Variants in MYO18A observed in about 807,000 individuals in gnomAD.
MYO18A encodes myosin XVIIIA.
MYO18A carries 78 observed loss-of-function variants against 235.8 expected under a neutral mutation model. That is an observed-to-expected ratio of 0.33 (90% confidence interval 0.28 to 0.40). The LOEUF is 0.40. MYO18A is among the 10% of genes least tolerant of loss of function. MYO18A has a pLI of 1.00. For synonymous variants in MYO18A, 977 were observed against 1,077.8 expected, an observed-to-expected ratio of 0.91 and a Z score of 1.83; for missense variants, 2,215 against 2,699.3, an observed-to-expected ratio of 0.82 and a Z score of 3.98.
chr17:29,141,588 T>C (rs758909722), intron 2 of MYO18A, among the ~76,000 whole-genome samples: 2 of 152,160 alleles, frequency 1.3e-5, no homozygotes, highest in Non-Finnish European at 2.9e-5. Flanking sequence ...CATGAAAAGA[T>C]TGGTAAGCAC....
chr17:29,097,235 C>A lies in MYO18A; in HGVS notation c.4218G>T (p.Gln1406His). 1 of 1,610,286 alleles carries A rather than the reference C, an allele frequency of 6.2e-7. No individual in the cohort carries two copies. Among genetic ancestry groups the A allele is most frequent in the Non-Finnish European group, 8.5e-7 (1 of 1,179,858 alleles). Residue 1406 changes from glutamine (Q) to histidine (H), a missense_variant, in exon 27 of 42, where the codon CAG (glutamine) becomes CAT (histidine). Gln to His is a conservative substitution (Grantham distance 24). Coordinates refer to ENST00000527372, the MANE Select transcript of MYO18A (RefSeq NM_078471.4). The part of the protein sequence containing the change: ...KLEVEQQNKR[Q>H]LERRLGDLQA... ...TCCCCAGCCTCACCCGCCGTTCCAG[C>A]TGCCTCTTGTTCTGCTGCTCCACCT...
intron 2 of MYO18A, chr17:29,124,580 A>G: frequency 1.2e-5 from 13 of 1,125,432 alleles, no homozygotes; most frequent in Non-Finnish European, 1.5e-5. Flanking sequence ...ACGCCAGCCC[A>G]GGTGCAGGCC....
chr17:29,080,488 T>G, intron 41 of MYO18A: 4 of 986,106 alleles, frequency 4.1e-6, no homozygotes, highest in Non-Finnish European at 4.8e-6. Context: ...CAGGCGAGAA[T>G]CAGGGCTCTC....
chr17:29,175,588 T>G (rs2068506252), intron 1 of MYO18A, among the ~76,000 whole-genome samples: 1 of 151,926 alleles, frequency 6.6e-6, no homozygotes, highest in Non-Finnish European at 1.5e-5. Context: ...GGTCTCAAAT[T>G]CCTGGGCTCA....
intron 2 of MYO18A, chr17:29,165,609 T>C (rs6505111): frequency 0.42 from 115,760 of 273,432 alleles, 26,291 homozygotes; most frequent in African/African-American, 0.62. Context: ...CTGCTCAGAA[T>C]TCTACTGCAG....
intron 41 of MYO18A, chr17:29,080,750 C>G: frequency 1.0e-6 from 1 of 985,596 alleles, no homozygotes; most frequent in Non-Finnish European, 1.2e-6. Context: ...CCCCCGGTCC[C>G]CGAGCGGACG....
chr17:29,092,791 G>T, intron 33 of MYO18A, 64 bp downstream of exon 33: 3 of 1,583,818 alleles, frequency 1.9e-6, no homozygotes, highest in South Asian at 2.3e-5. Context: ...GAGCGAGAGA[G>T]AGAAAGAGAA....
intron 23 of MYO18A, 74 bp from the exon 24 acceptor site, chr17:29,098,519 T>A: frequency 6.5e-7 from 1 of 1,537,736 alleles, no homozygotes; most frequent in Non-Finnish European, 8.9e-7. Context: ...TGCACCCCTG[T>A]AGTGAACGAA....
chr17:29,154,101 A>AGTGTGTGTGT (rs61393170), intron 2 of MYO18A, among the ~76,000 whole-genome samples: 2 of 150,288 alleles, frequency 1.3e-5, no homozygotes, highest in African/African-American at 4.9e-5. Flanking sequence ...AATTCTGCAG[A>AGTGTGTGTGT]GTGTGTGTGT....
At chr17:29,151,644 C>G (rs2067965805) in intron 2 of MYO18A, among the ~76,000 whole-genome samples, 3 of 152,180 alleles carry the variant, frequency 2.0e-5, no homozygotes, top group African/African-American at 7.2e-5. Flanking sequence ...GGAGAAAGCC[C>G]CTCAGTGCCT....
rs755495015 is a variant in MYO18A at position 29,087,066 on chromosome 17, T to G, written c.5582A>C (p.Gln1861Pro). 1 of 1,614,024 alleles carries G rather than the reference T, an allele frequency of 6.2e-7. No homozygotes were observed. The highest frequency in any genetic ancestry group is 8.5e-7 in the Non-Finnish European group (1 of 1,179,892). ...NMEKLTEERD[Q>P]RIAAENREKE... ...CTCCCGGTTCTCGGCTGCAATGCGC[T>G]GATCCCGCTCCTCAGTCAGCTTCTC... Residue 1861 changes from glutamine (Q) to proline (P), a missense_variant, in exon 38 of 42, where the codon CAG becomes CCG. Gln to Pro is a moderately conservative substitution (Grantham distance 76). Transcript: ENST00000527372.
chr17:29,118,881 G>A lies in MYO18A; in HGVS notation c.1830-441C>T, dbSNP rs560725958. Among the ~76,000 whole-genome samples, 11 of 152,248 alleles carry A rather than the reference G, an allele frequency of 7.2e-5. No homozygotes were observed. The highest frequency in any genetic ancestry group is 6.5e-4 in the Admixed American group (10 of 15,300). On this transcript the variant is annotated intron_variant, in intron 8 of 41. Transcript: ENST00000527372. This position sits in a 1 kb window ranked among gnomAD's most constrained non-coding sequence, Gnocchi z 4.2. ...AGCGTGGCAGAGGCAGCCAACGTGG[G>A]GCAGGAAGGGCTAGTCTGGAGGGCA...
In MYO18A at chr17:29,109,287, G is replaced by C. The variant is rs2066870186; in HGVS notation, c.3331+571C>G. Among the ~76,000 whole-genome samples the C allele has an allele frequency of 6.6e-6, 1 of 152,040 alleles. No homozygotes were observed. Among genetic ancestry groups the C allele is most frequent in the Non-Finnish European group, 1.5e-5 (1 of 68,016 alleles). ...CTTGGGCAAGCTACTTAACCTCTCT[G>C]AGCCTCAGTCTCCTCATCTGGAATG... On this transcript the variant is annotated intron_variant, in intron 19 of 41. Transcript: ENST00000527372. This position sits in a 1 kb window ranked among gnomAD's most constrained non-coding sequence, Gnocchi z 4.1.
chr17:29,142,723 T>C (rs1319156571), intron 2 of MYO18A, among the ~76,000 whole-genome samples: 2 of 152,250 alleles, frequency 1.3e-5, no homozygotes, highest in African/African-American at 2.4e-5. Context: ...GAGTATGACC[T>C]CCAGGGCCAC....
chr17:29,119,140 T>C (rs16964821), intron 8 of MYO18A, among the ~76,000 whole-genome samples, 195 bp downstream of exon 8: 17,186 of 152,186 alleles, frequency 0.11, 1,498 homozygotes, highest in African/African-American at 0.25. Context: ...GAGTTCTTGA[T>C]AGGCAGGGAC....
At position 29,121,434 on chromosome 17, in the gene MYO18A, A is replaced by C; in HGVS notation, c.1371+113T>G. On this transcript the variant is annotated intron_variant, in intron 5 of 41. Coordinates refer to ENST00000527372, the MANE Select transcript of MYO18A (RefSeq NM_078471.4). The surrounding 1 kb of genome is among the most constrained non-coding windows in gnomAD (Gnocchi z 4.2). The stretch of plus-strand genomic sequence containing the variant: ...TCTCTTGAAATGACTCCTCTTCCCA[A>C]GGTCAACTGTGAGAGTGGACAGGAG... 1 of 1,238,850 alleles carries C rather than the reference A, an allele frequency of 8.1e-7. No individual in the cohort carries two copies. The highest frequency in any genetic ancestry group is 1.1e-6 in the Non-Finnish European group (1 of 901,880). 76.7% of individuals were successfully genotyped at this position (1,238,850 alleles called of 1,614,324 possible).
chr17:29,113,083 C>A (rs1476516895), intron 15 of MYO18A, among the ~76,000 whole-genome samples: 3 of 152,228 alleles, frequency 2.0e-5, no homozygotes, highest in Non-Finnish European at 4.4e-5. Context: ...CCCCCTCTCC[C>A]GGGAACCACA....
Position 29,170,323 on chromosome 17 carries a change from C to T in MYO18A, c.-81-3302G>A, listed in dbSNP as rs188463986. Among the ~76,000 whole-genome samples, 140 of 152,310 alleles carry T rather than the reference C, an allele frequency of 9.2e-4. 1 individual carries two copies. Among genetic ancestry groups the T allele is most frequent in the African/African-American group, 3.2e-3 (131 of 41,548 alleles). ...TCTTCCCCACTGCCATCCCCATAATCGCCAGGCCTGGCTGTGGACTGGTTC... is the reference window on the plus strand; with the variant it reads ...TCTTCCCCACTGCCATCCCCATAATTGCCAGGCCTGGCTGTGGACTGGTTC... On this transcript the variant is annotated intron_variant, in intron 1 of 41. Transcript: ENST00000527372.
In MYO18A at chr17:29,117,092, G is replaced by C. The variant is rs1441266800; in HGVS notation, c.2039-637C>G. Reference sequence around the variant, plus strand: ...TTCTCACTCCAGCTGAGCAGCCTGGGGCCCTTCACATCCCAGAAGGGGCCA... The same window carrying C: ...TTCTCACTCCAGCTGAGCAGCCTGGCGCCCTTCACATCCCAGAAGGGGCCA... On this transcript the variant is annotated intron_variant, in intron 10 of 41. Coordinates refer to ENST00000527372, the MANE Select transcript of MYO18A (RefSeq NM_078471.4). The surrounding 1 kb of genome is among the most constrained non-coding windows in gnomAD (Gnocchi z 4.6). Among the ~76,000 whole-genome samples the C allele has an allele frequency of 6.6e-6, 1 of 152,030 alleles. No homozygotes were observed. The highest frequency in any genetic ancestry group is 1.5e-5 in the Non-Finnish European group (1 of 68,026).
Sources: gnomAD v4.1 joint callset for allele counts (sites outside exome capture counted in the v4.1 genomes callset) on GRCh38, gnomAD v4.1.1 for gene constraint, Gnocchi (gnomAD v3.1) non-coding constraint, MANE v1.5 for transcripts, NCBI Gene and HGNC (gene_info 2026-07-23, HGNC 2026-07-21) for gene names.